The following TTLL5 variants were observed in gnomAD, a reference collection of about 807,000 sequenced individuals.
The protein encoded by TTLL5 is tubulin polyglutamylase TTLL5.
Under a neutral mutation model 168.4 loss-of-function variants are expected in TTLL5, and 132 were observed. That is an observed-to-expected ratio of 0.78 (90% CI 0.68 to 0.91). TTLL5 has a LOEUF of 0.91. Ranked by LOEUF, TTLL5 falls within the 40% of genes least tolerant of loss-of-function variation. The probability of loss-of-function intolerance (pLI) is 0.00; values close to 1 mark genes in which losing one functional copy is unlikely to be tolerated. For missense variants in TTLL5, 1,545 were observed against 1,581.5 expected, an observed-to-expected ratio of 0.98 and a Z score of 0.39; for synonymous variants, 546 against 558.6, an observed-to-expected ratio of 0.98 and a Z score of 0.32.
intron 15 of TTLL5, among the ~76,000 whole-genome samples, chr14:75,739,413 A>C (rs1328660550): frequency 6.6e-6 from 1 of 152,150 alleles, no homozygotes; most frequent in Non-Finnish European, 1.5e-5. Flanking sequence ...GTAAAAAAAA[A>C]AATTTCTTTG....
At chr14:75,930,869 TATC>T (rs1376833567) in intron 31 of TTLL5, among the ~76,000 whole-genome samples, 1 of 152,186 alleles carries the variant, frequency 6.6e-6, no homozygotes, top group Non-Finnish European at 1.5e-5. Flanking sequence ...CTTAGAGAAA[TATC>T]ATCCATATAT....
chr14:75,806,544 A>G (rs1240937060), intron 27 of TTLL5, among the ~76,000 whole-genome samples: 1 of 152,166 alleles, frequency 6.6e-6, no homozygotes, highest in African/African-American at 2.4e-5. Context: ...GTTAGTCTCC[A>G]TGCCTTATGC....
intron 31 of TTLL5, among the ~76,000 whole-genome samples, chr14:75,911,960 A>G (rs2033405663): frequency 6.6e-6 from 1 of 152,236 alleles, no homozygotes; most frequent in African/African-American, 2.4e-5. Flanking sequence ...GTTGTTGTAC[A>G]TGAGCACAGG....
At chr14:75,690,642 GAGAC>G (rs1885387547) in intron 6 of TTLL5, among the ~76,000 whole-genome samples, 1 of 143,790 alleles carries the variant, frequency 7.0e-6, no homozygotes, top group African/African-American at 2.5e-5. Flanking sequence ...TTTTTTTTAA[GAGAC>G]AGAGCCTCCC....
intron 31 of TTLL5, among the ~76,000 whole-genome samples, chr14:75,952,906 T>G (rs1477254450): frequency 6.6e-6 from 1 of 152,158 alleles, no homozygotes; most frequent in Non-Finnish European, 1.5e-5. Context: ...GGTTTATTTT[T>G]GGGGTCATCA....
At chr14:75,900,084 T>A (rs1049449411) in intron 30 of TTLL5, among the ~76,000 whole-genome samples, 1 of 152,068 alleles carries the variant, frequency 6.6e-6, no homozygotes. Context: ...TCTTAGGCCC[T>A]CCAGAACTTT....
intron 31 of TTLL5, among the ~76,000 whole-genome samples, chr14:75,948,429 G>C (rs2034846803): frequency 6.6e-6 from 1 of 151,986 alleles, no homozygotes; most frequent in Admixed American, 6.6e-5. Flanking sequence ...AGGTTGCAGT[G>C]AGCCAAGACC....
chr14:75,819,903 G>C (rs886777656), intron 27 of TTLL5, 104 bp from the exon 28 acceptor site: 1 of 1,275,480 alleles, frequency 7.8e-7, no homozygotes, highest in African/African-American at 1.5e-5. Context: ...TCAGCTCAGA[G>C]GGGTCAGCAT....
At chr14:75,813,273 TGTGTGTGTGTG>T (rs1489913594) in intron 27 of TTLL5, among the ~76,000 whole-genome samples, 1 of 1,098 alleles carries the variant, frequency 9.1e-4, no homozygotes, top group Non-Finnish European at 2.5e-3. Flanking sequence ...TGTGTGTTTG[TGTGTGTGTGTG>T]TGTGTGTGTG....
intron 31 of TTLL5, among the ~76,000 whole-genome samples, chr14:75,914,079 A>G (rs1057273122): frequency 3.1e-4 from 41 of 131,152 alleles, no homozygotes; most frequent in African/African-American, 1.2e-3. Context: ...GGCCCAGTTA[A>G]GTTTTTTGTT....
At chr14:75,927,302 A>G (rs1389225931) in intron 31 of TTLL5, among the ~76,000 whole-genome samples, 1 of 152,232 alleles carries the variant, frequency 6.6e-6, no homozygotes, top group Non-Finnish European at 1.5e-5. Context: ...TGTTAACTAT[A>G]ACCACCCTAT....
chr14:75,751,295 A>G lies in TTLL5; in HGVS notation c.1488-1598A>G, dbSNP rs988352452. ...TTGTTCTTATTTTAGCAGCTCCAGC[A>G]TGTGATTTCTTTTTCCTTAAGTCAA... is the stretch of plus-strand genomic sequence containing the variant. On this transcript the variant is annotated intron_variant, in intron 17 of 31. Transcript: ENST00000298832. Among the ~76,000 whole-genome samples the G allele has an allele frequency of 5.9e-5, 9 of 152,330 alleles. No individual in the cohort carries two copies. The South Asian group carries it at 6.2e-4, about 11-fold the overall frequency.
chr14:75,784,502 G>T (rs1472521322), intron 26 of TTLL5, among the ~76,000 whole-genome samples: 1 of 152,180 alleles, frequency 6.6e-6, no homozygotes, highest in Non-Finnish European at 1.5e-5. Flanking sequence ...AGGGGCATTT[G>T]ATTTGTTTAT....
intron 28 of TTLL5, among the ~76,000 whole-genome samples, chr14:75,851,853 ACTT>A (rs947291678): frequency 2.6e-5 from 4 of 152,184 alleles, no homozygotes; most frequent in Admixed American, 6.5e-5. Context: ...GAAGTAGTAT[ACTT>A]CTTCTTTCTC....
intron 31 of TTLL5, among the ~76,000 whole-genome samples, chr14:75,924,322 T>C (rs1394345373): frequency 6.6e-5 from 10 of 151,722 alleles, no homozygotes; most frequent in Non-Finnish European, 1.5e-4. Context: ...TCTTGGGTGT[T>C]TCTCGCAGAG....
chr14:75,677,644 G>A (rs909191088), intron 3 of TTLL5, among the ~76,000 whole-genome samples: 1 of 151,438 alleles, frequency 6.6e-6, no homozygotes, highest in Admixed American at 6.6e-5. Context: ...AAGAGACAGG[G>A]TCTTGCTCTG....
chr14:75,798,612 T>A (rs1337094427), intron 27 of TTLL5, among the ~76,000 whole-genome samples: 1 of 152,178 alleles, frequency 6.6e-6, no homozygotes, highest in Non-Finnish European at 1.5e-5. Context: ...GCTATGAACT[T>A]TCGTCTTAGC....
chr14:75,722,371 G>A (rs1422407973), intron 12 of TTLL5, among the ~76,000 whole-genome samples: 4 of 151,966 alleles, frequency 2.6e-5, no homozygotes, highest in East Asian at 1.9e-4. Flanking sequence ...TTAGCCTCTC[G>A]AGTAGTTGGG....
chr14:75,794,356 C>T (rs1332249473), intron 27 of TTLL5, among the ~76,000 whole-genome samples: 1 of 150,982 alleles, frequency 6.6e-6, no homozygotes, highest in Non-Finnish European at 1.5e-5. Flanking sequence ...CTCTGCTACA[C>T]TTTTATCATT....
Sources: allele counts gnomAD v4.1 joint callset (sites outside exome capture counted in the v4.1 genomes callset), GRCh38; gene constraint gnomAD v4.1.1; transcripts MANE v1.5; gene names NCBI Gene and HGNC (gene_info 2026-07-23, HGNC 2026-07-21).